GLG1: variants seen among roughly 807,000 people sequenced by gnomAD.
GLG1 encodes the protein golgi glycoprotein 1.
A neutral mutation model predicts 160.5 loss-of-function variants in GLG1; 38 were observed. The ratio of observed to expected loss-of-function variants is 0.24; its 90% CI spans 0.18 to 0.31. GLG1 has a LOEUF of 0.31. Ranked by LOEUF, GLG1 falls within the 10% of genes least tolerant of loss-of-function variation. GLG1 has a pLI of 1.00. For synonymous variants in GLG1, 644 were observed against 543.4 expected, an observed-to-expected ratio of 1.19 and a Z score of -2.57; for missense variants, 1,373 against 1,505.2, an observed-to-expected ratio of 0.91 and a Z score of 1.45.
intron 8 of GLG1, among the ~76,000 whole-genome samples, chr16:74,486,917 T>TC (rs1266936149): frequency 1.4e-5 from 2 of 139,346 alleles, no homozygotes; most frequent in East Asian, 4.0e-4. Context: ...TAGAAATCTT[T>TC]TTTTTTTCCC....
chr16:74,568,901 A>G (rs901157940), intron 1 of GLG1, among the ~76,000 whole-genome samples: 16 of 152,350 alleles, frequency 1.1e-4, no homozygotes, highest in African/African-American at 3.8e-4. Flanking sequence ...CTTAAAAGCA[A>G]TAAAGAGCTA....
At chr16:74,468,700 C>T in intron 17 of GLG1, 1 of 497,328 alleles carries the variant, frequency 2.0e-6, no homozygotes, top group East Asian at 3.4e-5. Context: ...GATTGGATCA[C>T]ATGCTTAGTT....
At chr16:74,495,400 C>T (rs760797088) in intron 5 of GLG1, among the ~76,000 whole-genome samples, 5 of 152,198 alleles carry the variant, frequency 3.3e-5, no homozygotes, top group Admixed American at 6.5e-5. Flanking sequence ...AGGCGTGAGC[C>T]GCCGCACCCA....
At chr16:74,480,168 A>G in intron 11 of GLG1, 73 bp downstream of exon 11, 1 of 1,240,450 alleles carries the variant, frequency 8.1e-7, no homozygotes, top group East Asian at 2.3e-5. Flanking sequence ...GACTGAAATC[A>G]GAAGAATATA....
chr16:74,540,229 A>G (rs1228955370), intron 1 of GLG1, among the ~76,000 whole-genome samples: 2 of 137,580 alleles, frequency 1.5e-5, no homozygotes, highest in Non-Finnish European at 3.0e-5. Flanking sequence ...TTGGATTATA[A>G]TATTTATTAA....
intron 1 of GLG1, among the ~76,000 whole-genome samples, chr16:74,543,098 G>C (rs528626416): frequency 1.3e-5 from 2 of 151,872 alleles, no homozygotes; most frequent in Non-Finnish European, 2.9e-5. Flanking sequence ...GCCTAAGCAA[G>C]AGCAAATAGG....
intron 1 of GLG1, among the ~76,000 whole-genome samples, chr16:74,565,725 G>A (rs1181895766): frequency 6.6e-6 from 1 of 152,198 alleles, no homozygotes; most frequent in Non-Finnish European, 1.5e-5. Context: ...TCGAGAGGCT[G>A]CCTGATTCGC....
chr16:74,607,052 C>G lies in GLG1; in HGVS notation c.43G>C (p.Ala15Pro). The change falls in exon 1 of 26, where the codon GCG becomes CCG. Residue 15 changes from alanine to proline, a missense_variant. Around this residue, in one of 4 missense-constraint regions of GLG1, gnomAD observed 322 missense variants for 254.6 expected, o/e 1.26. Transcript: ENST00000422840. ...GRVRRMFRLS[A>P]ALHLLLLFAA... ...AATAGCAGCAGCAGATGCAGCGCCG[C>G]CGACAAGCGGAACATCCTCCGTACA... 1 of 1,588,854 alleles carries G rather than the reference C, an allele frequency of 6.3e-7. No individual in the cohort carries two copies. Among genetic ancestry groups the G allele is most frequent in the Non-Finnish European group, 8.5e-7 (1 of 1,170,576 alleles).
At chr16:74,499,767 G>A (rs1276300895) in intron 4 of GLG1, among the ~76,000 whole-genome samples, 2 of 152,196 alleles carry the variant, frequency 1.3e-5, no homozygotes, top group Non-Finnish European at 2.9e-5. Context: ...GCTTTGGGAG[G>A]CCGAGGCAGG....
At chr16:74,467,219 C>T (rs1167849557) in intron 18 of GLG1, among the ~76,000 whole-genome samples, 1 of 152,238 alleles carries the variant, frequency 6.6e-6, no homozygotes, top group Non-Finnish European at 1.5e-5. Flanking sequence ...AGGCTGAAGC[C>T]CCATGGCAAT....
At chr16:74,507,035 T>C (rs1426685178) in intron 3 of GLG1, among the ~76,000 whole-genome samples, 2 of 152,198 alleles carry the variant, frequency 1.3e-5, no homozygotes, top group Non-Finnish European at 2.9e-5. Context: ...AGTTTACAGG[T>C]ATTCTTGTGA....
At chr16:74,567,542 A>G (rs1202069148) in intron 1 of GLG1, among the ~76,000 whole-genome samples, 1 of 142,384 alleles carries the variant, frequency 7.0e-6, no homozygotes, top group Non-Finnish European at 1.5e-5. Flanking sequence ...CTTACTATAT[A>G]TGGTGCACTT....
chr16:74,523,078 A>C (rs1419710416), intron 2 of GLG1, among the ~76,000 whole-genome samples: 1 of 152,226 alleles, frequency 6.6e-6, no homozygotes. Context: ...AAGAAAACTT[A>C]AATTTTTAAT....
intron 10 of GLG1, among the ~76,000 whole-genome samples, chr16:74,481,792 C>CT (rs534783343): frequency 2.5e-4 from 37 of 149,174 alleles, no homozygotes; most frequent in African/African-American, 3.7e-4. Flanking sequence ...AGTGAATCTC[C>CT]TTTTTTTTTT....
At chr16:74,575,813 C>G (rs2018985667) in intron 1 of GLG1, among the ~76,000 whole-genome samples, 1 of 152,122 alleles carries the variant, frequency 6.6e-6, no homozygotes, top group African/African-American at 2.4e-5. Context: ...TATTCAAATT[C>G]ATCACCAACA....
intron 1 of GLG1, among the ~76,000 whole-genome samples, chr16:74,537,648 T>A (rs1159305944): frequency 1.4e-5 from 2 of 144,812 alleles, no homozygotes; most frequent in East Asian, 4.0e-4. Context: ...AATTAAGAAA[T>A]ACTGGTCAAA....
chr16:74,453,413 A>G (rs1027999797), intron 25 of GLG1, 79 bp from the exon 26 acceptor site: 2 of 833,104 alleles, frequency 2.4e-6, no homozygotes, highest in Non-Finnish European at 3.9e-6. Context: ...TATCCCTCTC[A>G]GTTCCTAGTT....
At chr16:74,572,961 G>T (rs543487611) in intron 1 of GLG1, among the ~76,000 whole-genome samples, 504 of 152,268 alleles carry the variant, frequency 3.3e-3, no homozygotes, top group Middle Eastern at 6.8e-3. Context: ...GTCAAGGATT[G>T]AGCTGAATTA....
intron 8 of GLG1, among the ~76,000 whole-genome samples, chr16:74,489,330 G>A (rs1407247909): frequency 6.6e-6 from 1 of 151,978 alleles, no homozygotes; most frequent in Admixed American, 6.6e-5. Context: ...AATTAGCTGG[G>A]TGTGGTGGTG....
Sources: gnomAD v4.1 joint callset for allele counts (sites outside exome capture counted in the v4.1 genomes callset) on GRCh38, gnomAD v4.1.1 for gene constraint, gnomAD v4.1.1 regional missense constraint, MANE v1.5 for transcripts, NCBI Gene and HGNC (gene_info 2026-07-23, HGNC 2026-07-21) for gene names.